Variants in RASA1 observed in about 807,000 individuals in gnomAD.
The protein encoded by RASA1 is RAS p21 protein activator 1, also known as ras GTPase-activating protein 1.
In RASA1, 25 loss-of-function variants were observed where a neutral mutation model predicts 132.2. The ratio of observed to expected loss-of-function variants is 0.19; its 90% CI spans 0.14 to 0.26. The LOEUF (loss-of-function observed/expected upper bound fraction) is 0.26, where lower values mean the gene tolerates loss of function less well. RASA1 is among the 10% of genes least tolerant of loss of function. RASA1 has a pLI of 1.00. For missense variants in RASA1, 964 were observed against 1,299.2 expected (o/e 0.74, Z 3.97); for synonymous variants, 477 against 449.9 (o/e 1.06, Z -0.76).
At chr5:87,270,646 CTTTTTTTTTTTTTTTTTTTTTTT>C (rs70996415) in intron 1 of RASA1, among the ~76,000 whole-genome samples, 2 of 71,778 alleles carry the variant, frequency 2.8e-5, no homozygotes, top group Admixed American at 1.9e-4. Context: ...GGTGCCCGGC[CTTTTTTTTTTTTTTTTTTTTTTT>C]TTTTTTTTTT....
At chr5:87,300,469 G>A (rs1444980010) in intron 1 of RASA1, among the ~76,000 whole-genome samples, 2 of 151,944 alleles carry the variant, frequency 1.3e-5, no homozygotes, top group African/African-American at 4.8e-5. Flanking sequence ...ATTTGAGACC[G>A]CCCTTAACAA....
intron 1 of RASA1, 158 bp from the exon 2 acceptor site, chr5:87,331,190 T>TAAATTGAGTTA: frequency 1.0e-6 from 1 of 982,878 alleles, no homozygotes; most frequent in Non-Finnish European, 1.6e-6. Flanking sequence ...AGACTGAGGT[T>TAAATTGAGTTA]AAATTGAGTT....
chr5:87,384,349 T>C (rs895328428), intron 21 of RASA1, among the ~76,000 whole-genome samples: 1 of 152,160 alleles, frequency 6.6e-6, no homozygotes, highest in Non-Finnish European at 1.5e-5. Context: ...GTTAAAAGCT[T>C]CTTTCAAAGA....
intron 1 of RASA1, among the ~76,000 whole-genome samples, chr5:87,320,866 AAAC>A (rs2112334537): frequency 6.6e-6 from 1 of 152,362 alleles, no homozygotes; most frequent in South Asian, 2.1e-4. Context: ...GACAAGGTGA[AAAC>A]AAGGTAGTAT....
intron 23 of RASA1, among the ~76,000 whole-genome samples, chr5:87,388,937 T>G (rs1009359886): frequency 6.6e-6 from 1 of 152,156 alleles, no homozygotes; most frequent in Non-Finnish European, 1.5e-5. Flanking sequence ...CCACCCCTTA[T>G]TTTTAGAATA....
At chr5:87,343,075 CTTTAATTTCCTAATA>C (rs1758596184) in intron 6 of RASA1, among the ~76,000 whole-genome samples, 1 of 151,958 alleles carries the variant, frequency 6.6e-6, no homozygotes, top group Non-Finnish European at 1.5e-5. Flanking sequence ...TGTTTGTTCC[CTTTAATTTCCTAATA>C]TAGGGACTGT....
chr5:87,333,407 A>G (rs1391475554), intron 4 of RASA1, 70 bp downstream of exon 4: 6 of 1,584,914 alleles, frequency 3.8e-6, no homozygotes, highest in Non-Finnish European at 5.1e-6. Context: ...TTACTCTTGG[A>G]CTAGGAAGCT....
At chr5:87,373,954 T>TA (rs1425512122) in intron 13 of RASA1, among the ~76,000 whole-genome samples, 2 of 151,948 alleles carry the variant, frequency 1.3e-5, no homozygotes, top group Non-Finnish European at 2.9e-5. Flanking sequence ...GCATTGTTTT[T>TA]ATCTTTTAGG....
At chr5:87,348,755 A>T (rs924249812) in intron 7 of RASA1, among the ~76,000 whole-genome samples, 5 of 151,874 alleles carry the variant, frequency 3.3e-5, no homozygotes, top group African/African-American at 1.2e-4. Flanking sequence ...CACTGTGCCT[A>T]GCACAGTCAT....
intron 1 of RASA1, among the ~76,000 whole-genome samples, chr5:87,288,749 T>C (rs1464860601): frequency 6.6e-6 from 1 of 152,174 alleles, no homozygotes; most frequent in Non-Finnish European, 1.5e-5. Flanking sequence ...CCCAAGTATT[T>C]GTGTTGGAAA....
intron 1 of RASA1, chr5:87,330,944 T>G (rs1295003703): frequency 7.0e-7 from 1 of 1,429,128 alleles, no homozygotes; most frequent in African/African-American, 1.5e-5. Context: ...ATAGGTTCCA[T>G]GTGCCTTGTG....
At chr5:87,276,616 C>T (rs989580070) in intron 1 of RASA1, among the ~76,000 whole-genome samples, 1 of 151,956 alleles carries the variant, frequency 6.6e-6, no homozygotes, top group South Asian at 2.1e-4. Context: ...ATACGTTGTG[C>T]AGGTAAATTT....
At chr5:87,383,053 C>T (rs1761832492) in intron 20 of RASA1, among the ~76,000 whole-genome samples, 1 of 151,962 alleles carries the variant, frequency 6.6e-6, no homozygotes, top group Admixed American at 6.6e-5. Flanking sequence ...GATTGTGGGC[C>T]ACTGCACTCC....
intron 1 of RASA1, among the ~76,000 whole-genome samples, chr5:87,289,469 T>G (rs1005623855): frequency 6.6e-6 from 1 of 152,196 alleles, no homozygotes; most frequent in African/African-American, 2.4e-5. Context: ...GGTTTTTCCC[T>G]CTATTTGTAA....
At chr5:87,297,460 G>A (rs1274844187) in intron 1 of RASA1, among the ~76,000 whole-genome samples, 1 of 152,214 alleles carries the variant, frequency 6.6e-6, no homozygotes, top group Non-Finnish European at 1.5e-5. Flanking sequence ...CTCCTGGACT[G>A]TGAACATAAC....
chr5:87,271,449 C>CTTTT (rs1274619047), intron 1 of RASA1, among the ~76,000 whole-genome samples: 1 of 67,494 alleles, frequency 1.5e-5, no homozygotes, highest in African/African-American at 6.5e-5. Context: ...TTTTAGTAGA[C>CTTTT]TTCTTTTTTT....
At chr5:87,282,255 T>C (rs1285473677) in intron 1 of RASA1, among the ~76,000 whole-genome samples, 3 of 152,234 alleles carry the variant, frequency 2.0e-5, no homozygotes, top group African/African-American at 7.2e-5. Flanking sequence ...GTATGTCTGC[T>C]AGTAACAATT....
At chr5:87,275,735 T>C (rs1028412373) in intron 1 of RASA1, among the ~76,000 whole-genome samples, 1 of 152,138 alleles carries the variant, frequency 6.6e-6, no homozygotes, top group African/African-American at 2.4e-5. Context: ...CACGTCCAGC[T>C]AATTTTTGTA....
At chr5:87,315,187 A>G (rs865871203) in intron 1 of RASA1, among the ~76,000 whole-genome samples, 2 of 152,234 alleles carry the variant, frequency 1.3e-5, no homozygotes, top group Admixed American at 6.5e-5. Context: ...ATTTTCTATT[A>G]CTGCAGCAGA....
Sources: gnomAD v4.1 joint callset for allele counts (sites outside exome capture counted in the v4.1 genomes callset) on GRCh38, gnomAD v4.1.1 for gene constraint, MANE v1.5 for transcripts, NCBI Gene and HGNC (gene_info 2026-07-23, HGNC 2026-07-21) for gene names.